Variants in SGK3 observed in about 807,000 individuals in gnomAD.
SGK3 encodes serum/glucocorticoid regulated kinase family member 3.
A neutral mutation model predicts 68.5 loss-of-function variants in SGK3; 47 were observed. The observed-to-expected ratio is 0.69, with a 90% CI of 0.54 to 0.87. SGK3 has a LOEUF of 0.87. Among genes scored for constraint, SGK3 ranks in the 40% least tolerant of loss-of-function variants. The pLI is 0.00. For missense variants in SGK3, 479 were observed against 575.5 expected, an observed-to-expected ratio of 0.83 and a Z score of 1.72; for synonymous variants, 181 against 189.1, an observed-to-expected ratio of 0.96 and a Z score of 0.35.
At chr8:66,722,753 A>G (rs563444608) in intron 1 of SGK3, among the ~76,000 whole-genome samples, 2 of 152,300 alleles carry the variant, frequency 1.3e-5, no homozygotes, top group Non-Finnish European at 2.9e-5. Context: ...TAATTGGCCC[A>G]TGGTTCTGCA....
intron 1 of SGK3, among the ~76,000 whole-genome samples, chr8:66,744,527 T>G (rs1474301612): frequency 4.9e-4 from 48 of 97,802 alleles, no homozygotes; most frequent in African/African-American, 2.2e-3. Flanking sequence ...ATATTTTTTT[T>G]TTTTTTTTTT....
At chr8:66,748,716 T>G (rs1805719715) in intron 1 of SGK3, among the ~76,000 whole-genome samples, 1 of 152,024 alleles carries the variant, frequency 6.6e-6, no homozygotes, top group Non-Finnish European at 1.5e-5. Context: ...GTAGAAGGAG[T>G]AGGCTCATCA....
chr8:66,779,601 T>TATATATAA (rs1554598086), intron 1 of SGK3, among the ~76,000 whole-genome samples: 106 of 104,094 alleles, frequency 1.0e-3, no homozygotes, highest in South Asian at 2.2e-3. Flanking sequence ...TATATATATA[T>TATATATAA]AAAACACATT....
chr8:66,714,742 T>C (rs73691557), intron 1 of SGK3, among the ~76,000 whole-genome samples: 23,655 of 152,158 alleles, frequency 0.16, 3,797 homozygotes, highest in African/African-American at 0.41. Context: ...CTCCTTTACC[T>C]TTCAGAGAGA....
chr8:66,788,836 G>A (rs573237784), intron 1 of SGK3, among the ~76,000 whole-genome samples: 1 of 152,250 alleles, frequency 6.6e-6, no homozygotes, highest in Admixed American at 6.5e-5. Flanking sequence ...TCTTACACAG[G>A]TGTCCAAGGT....
At chr8:66,836,181 T>C (rs945373690) in intron 10 of SGK3, 107 bp downstream of exon 10, 16 of 1,393,858 alleles carry the variant, frequency 1.1e-5, no homozygotes, top group Non-Finnish European at 1.5e-5. Context: ...AGTAGCTTTT[T>C]ATAGCAATAA....
In SGK3 at chr8:66,725,324, C is replaced by T. The variant is rs572908632; in HGVS notation, c.-122+12491C>T. Among the ~76,000 whole-genome samples the T allele has an allele frequency of 7.2e-5, 11 of 152,046 alleles. No homozygotes were observed. The East Asian group carries it at 1.9e-3, about 27-fold the overall frequency. ...GCTGAGGCAGGGAGAATTGCTTGAT[C>T]CCAGGAGATGGAGGTTGTAGTGAGC... is the stretch of plus-strand genomic sequence containing the variant. On this transcript the variant is annotated intron_variant, in intron 1 of 16. Transcript: ENST00000521198.
chr8:66,806,203 T>A lies in SGK3; in HGVS notation c.253+1756T>A, dbSNP rs539080620. 1.1e-4 allele frequency among the ~76,000 whole-genome samples: 17 copies of A among 152,190 alleles called. No homozygotes were observed. The South Asian group carries it at 3.1e-3, about 28-fold the overall frequency. On this transcript the variant is annotated intron_variant, in intron 4 of 16. Coordinates refer to ENST00000521198, the MANE Select transcript of SGK3 (RefSeq NM_001033578.3). ...TTTTTCTCTCTTTCTTTCTTTTTTT[T>A]CCCCCCTTGGGAGTATATAGCACAT...
intron 4 of SGK3, among the ~76,000 whole-genome samples, chr8:66,812,716 A>G (rs1288870017): frequency 6.6e-6 from 1 of 152,114 alleles, no homozygotes. Flanking sequence ...TAGATGCATT[A>G]TCTCATTTAA....
At chr8:66,767,569 A>G in intron 1 of SGK3, 1 of 1,443,954 alleles carries the variant, frequency 6.9e-7, no homozygotes, top group Non-Finnish European at 9.7e-7. Flanking sequence ...AAGTATCATG[A>G]GAGGCACTTC....
At chr8:66,822,565 AGTTTC>A in intron 6 of SGK3, 106 bp downstream of exon 6, 1 of 1,061,554 alleles carries the variant, frequency 9.4e-7, no homozygotes, top group Non-Finnish European at 1.4e-6. Flanking sequence ...TCCATAGTAG[AGTTTC>A]TACTATGTAG....
chr8:66,841,860 T>G (rs1397607627), intron 13 of SGK3, among the ~76,000 whole-genome samples: 1 of 152,210 alleles, frequency 6.6e-6, no homozygotes, highest in East Asian at 1.9e-4. Context: ...AAAAGCTTTA[T>G]TATTCATACT....
Position 66,729,720 on chromosome 8 carries a change from CATTT to C in SGK3, c.-122+16900_-122+16903del, listed in dbSNP as rs199953801. Among the ~76,000 whole-genome samples, 30 of 139,984 alleles carry C rather than the reference CATTT, an allele frequency of 2.1e-4. 1 individual carries two copies. Among genetic ancestry groups the C allele is most frequent in the African/African-American group, 8.9e-4 (28 of 31,566 alleles). 91.8% of individuals were successfully genotyped at this position (139,984 alleles called of 152,430 possible). On this transcript the variant is annotated intron_variant, in intron 1 of 16. Coordinates refer to ENST00000521198, the MANE Select transcript of SGK3 (RefSeq NM_001033578.3). The stretch of plus-strand genomic sequence containing the variant: ...GCCAGACTGTTTTCTAGAATGCCTA[CATTT>C]ATTTATTTATTTTTATTTATTTATT...
chr8:66,814,020 A>T, intron 5 of SGK3, 92 bp downstream of exon 5: 1 of 1,046,226 alleles, frequency 9.6e-7, no homozygotes. Context: ...GTTCTATGAA[A>T]TGTTACTGTG....
At position 66,765,881 on chromosome 8, in the gene SGK3, C is replaced by T. The variant is rs368004348; in HGVS notation, c.-121-27735C>T. Among the ~76,000 whole-genome samples, 156 of 151,870 alleles carry T rather than the reference C, an allele frequency of 1.0e-3. 1 individual carries two copies. The highest frequency in any genetic ancestry group is 3.5e-3 in the African/African-American group (146 of 41,432). On this transcript the variant is annotated intron_variant, in intron 1 of 16. Transcript: ENST00000521198. ...TCTACTAAAAATACAAAAAATTAGC[C>T]GGGCGCCATGGCGGGCACCTGTAAT... is the stretch of plus-strand genomic sequence containing the variant.
At chr8:66,831,443 C>T in intron 8 of SGK3, 132 bp downstream of exon 8, 2 of 1,053,190 alleles carry the variant, frequency 1.9e-6, no homozygotes, top group Non-Finnish European at 2.8e-6. Context: ...GGGCTCAAGC[C>T]ATCCTCCCAC....
At chr8:66,759,026 G>A (rs1256984464) in intron 1 of SGK3, among the ~76,000 whole-genome samples, 3 of 151,782 alleles carry the variant, frequency 2.0e-5, no homozygotes, top group Non-Finnish European at 4.4e-5. Flanking sequence ...CCTAGCATCA[G>A]TGGCCCTCTG....
At chr8:66,740,864 G>A (rs1180929554) in intron 1 of SGK3, among the ~76,000 whole-genome samples, 10 of 139,286 alleles carry the variant, frequency 7.2e-5, no homozygotes, top group African/African-American at 1.4e-4. Flanking sequence ...CCGAGATTGC[G>A]CCACTGCACT....
At chr8:66,857,196 A>G (rs1348859694) in intron 16 of SGK3, among the ~76,000 whole-genome samples, 1 of 152,062 alleles carries the variant, frequency 6.6e-6, no homozygotes, top group African/African-American at 2.4e-5. Flanking sequence ...ACATACGTAC[A>G]TACATACATA....
Sources: allele counts gnomAD v4.1 joint callset (sites outside exome capture counted in the v4.1 genomes callset), GRCh38; gene constraint gnomAD v4.1.1; transcripts MANE v1.5; gene names NCBI Gene and HGNC (gene_info 2026-07-23, HGNC 2026-07-21).